ACOXL: variants seen among roughly 807,000 people sequenced by gnomAD.
ACOXL encodes acyl-CoA oxidase like.
Under a neutral mutation model 71.9 loss-of-function variants are expected in ACOXL, and 70 were observed. That is an observed-to-expected ratio of 0.97 (90% CI 0.80 to 1.19). The LOEUF (loss-of-function observed/expected upper bound fraction) is 1.19, where lower values mean the gene tolerates loss of function less well. ACOXL is among the 50% of genes most tolerant of loss of function. The pLI is 0.00. For synonymous variants in ACOXL, 253 were observed against 281.6 expected (o/e 0.90, Z 1.02); for missense variants, 703 against 736.3 (o/e 0.95, Z 0.52).
At chr2:110,950,017 T>C (rs1251804953) in intron 12 of ACOXL, among the ~76,000 whole-genome samples, 1 of 150,056 alleles carries the variant, frequency 6.7e-6, no homozygotes, top group Non-Finnish European at 1.5e-5. Context: ...TAAACAATCC[T>C]CTGTCTTTTT....
intron 17 of ACOXL, chr2:111,115,476 A>G (rs957407221): frequency 3.2e-4 from 49 of 152,312 alleles, no homozygotes; most frequent in African/African-American, 1.1e-3. Context: ...TTAAACCTCT[A>G]AAGTCCAGAA....
At chr2:110,863,057 G>T (rs1694152564) in intron 10 of ACOXL, among the ~76,000 whole-genome samples, 1 of 152,166 alleles carries the variant, frequency 6.6e-6, no homozygotes, top group Non-Finnish European at 1.5e-5. Flanking sequence ...AATTCTCTCA[G>T]AGAAAATGAA....
At chr2:110,863,187 C>T (rs1694165318) in intron 10 of ACOXL, among the ~76,000 whole-genome samples, 1 of 152,044 alleles carries the variant, frequency 6.6e-6, no homozygotes, top group Non-Finnish European at 1.5e-5. Context: ...AAATTGGAAA[C>T]AACACAAGAA....
At chr2:111,067,176 C>A (rs1227613924) in intron 16 of ACOXL, among the ~76,000 whole-genome samples, 2 of 151,976 alleles carry the variant, frequency 1.3e-5, no homozygotes, top group South Asian at 2.1e-4. Flanking sequence ...TGAGATAACA[C>A]TAGAAATAAT....
At chr2:110,755,274 T>C (rs1679517266) in intron 1 of ACOXL, among the ~76,000 whole-genome samples, 1 of 152,168 alleles carries the variant, frequency 6.6e-6, no homozygotes, top group Non-Finnish European at 1.5e-5. Context: ...GGCCGCTGCC[T>C]GCAGCCTGAG....
chr2:110,924,724 A>G (rs1421119044), intron 11 of ACOXL, among the ~76,000 whole-genome samples: 1 of 145,484 alleles, frequency 6.9e-6, no homozygotes, highest in Non-Finnish European at 1.5e-5. Flanking sequence ...AAAGTCATCC[A>G]TGAGGGTTGG....
At chr2:110,742,822 A>G (rs538582079) in intron 1 of ACOXL, among the ~76,000 whole-genome samples, 18 of 152,340 alleles carry the variant, frequency 1.2e-4, no homozygotes, top group East Asian at 3.9e-4. Flanking sequence ...GCTTCTTGAC[A>G]TTGGTTTGGG....
chr2:110,798,980 G>T (rs1685611713), intron 6 of ACOXL, 34 bp from the exon 7 acceptor site: 1 of 1,597,264 alleles, frequency 6.3e-7, no homozygotes, highest in Non-Finnish European at 8.6e-7. Context: ...CTATAGGAAG[G>T]AGAGCTTAAT....
chr2:111,077,643 AT>A (rs1231545770), intron 16 of ACOXL, among the ~76,000 whole-genome samples: 4 of 152,102 alleles, frequency 2.6e-5, no homozygotes, highest in East Asian at 3.9e-4. Flanking sequence ...CTGTTTTCTC[AT>A]TGGTAATTTT....
At chr2:111,041,361 A>C (rs964821130) in intron 15 of ACOXL, among the ~76,000 whole-genome samples, 1 of 152,118 alleles carries the variant, frequency 6.6e-6, no homozygotes, top group African/African-American at 2.4e-5. Context: ...TCCCAATTTA[A>C]GTGTGACACT....
At chr2:110,836,638 G>C (rs1410277999) in intron 9 of ACOXL, among the ~76,000 whole-genome samples, 1 of 152,158 alleles carries the variant, frequency 6.6e-6, no homozygotes, top group Non-Finnish European at 1.5e-5. Flanking sequence ...TATTTTCTGT[G>C]AAAAGGGGAC....
intron 17 of ACOXL, among the ~76,000 whole-genome samples, chr2:111,106,105 C>T (rs1574781751): frequency 6.6e-6 from 1 of 152,256 alleles, no homozygotes; most frequent in East Asian, 1.9e-4. Flanking sequence ...TTCTGCCCAG[C>T]CCACTTCCTC....
At chr2:110,860,652 A>T (rs1693833123) in intron 10 of ACOXL, among the ~76,000 whole-genome samples, 3 of 152,220 alleles carry the variant, frequency 2.0e-5, no homozygotes, top group East Asian at 1.9e-4. Flanking sequence ...GGTGCAGAAG[A>T]TGGAGTGCCT....
rs746219361 is a variant in ACOXL, at chr2:110,975,487, A to G, written c.1060-11621A>G. Among the ~76,000 whole-genome samples the G allele has an allele frequency of 2.0e-5, 3 of 152,266 alleles. No individual in the cohort carries two copies. In the South Asian group the frequency reaches 6.2e-4, roughly 32 times the overall value. On this transcript the variant is annotated intron_variant, in intron 12 of 17. Transcript: ENST00000439055. ...CAGACGTCAAAACACTTCACCCCTA[A>G]GAGCTTCAATGTTCATTTTCTAAAA...
At chr2:111,050,190 G>C (rs1310445403) in intron 16 of ACOXL, among the ~76,000 whole-genome samples, 1 of 151,730 alleles carries the variant, frequency 6.6e-6, no homozygotes, top group Non-Finnish European at 1.5e-5. Flanking sequence ...TTAGAAATGG[G>C]TGGAAAAAAA....
intron 12 of ACOXL, among the ~76,000 whole-genome samples, chr2:110,945,852 A>C (rs1321564184): frequency 6.6e-6 from 1 of 152,104 alleles, no homozygotes; most frequent in African/African-American, 2.4e-5. Flanking sequence ...TATGAATTTT[A>C]AACTAGTTTT....
At chr2:110,972,963 C>T (rs768498524) in intron 12 of ACOXL, among the ~76,000 whole-genome samples, 1 of 152,182 alleles carries the variant, frequency 6.6e-6, no homozygotes, top group Non-Finnish European at 1.5e-5. Context: ...ATTATGTGCT[C>T]AATTGGTTTA....
intron 10 of ACOXL, among the ~76,000 whole-genome samples, chr2:110,868,736 G>T (rs1219872794): frequency 6.6e-6 from 1 of 152,070 alleles, no homozygotes. Flanking sequence ...CTACAGCCAT[G>T]TGCCACCATG....
chr2:110,939,175 A>G (rs144544350), intron 12 of ACOXL, among the ~76,000 whole-genome samples: 10 of 152,360 alleles, frequency 6.6e-5, no homozygotes, highest in Non-Finnish European at 1.2e-4. Context: ...GTTTGTTGCT[A>G]TAGCCTAAAA....
Sources: allele counts gnomAD v4.1 joint callset (sites outside exome capture counted in the v4.1 genomes callset), GRCh38; gene constraint gnomAD v4.1.1; transcripts MANE v1.5; gene names NCBI Gene and HGNC (gene_info 2026-07-23, HGNC 2026-07-21).